Variants in RPSA2 observed in about 807,000 individuals in gnomAD.
The protein encoded by RPSA2 is small ribosomal subunit protein uS2B.
At chr19:23,775,249 A>G in the RPSA2 span, among the ~76,000 whole-genome samples, 1 of 152,192 alleles carries the variant, frequency 6.6e-6, no homozygotes, top group African/African-American at 2.4e-5. Context: ...GTGTGGTCTT[A>G]AATCTTACAG....
At chr19:23,819,707 T>C in the RPSA2 span, among the ~76,000 whole-genome samples, 173 of 152,320 alleles carry the variant, frequency 1.1e-3, 1 homozygote, top group Non-Finnish European at 2.0e-3. Context: ...CAAGATCTCA[T>C]AGGTGAATAC....
chr19:23,802,962 A>C, the RPSA2 span, among the ~76,000 whole-genome samples: 5 of 152,186 alleles, frequency 3.3e-5, no homozygotes, highest in African/African-American at 1.2e-4. Context: ...TGCTAAGAAC[A>C]CTTATTTATC....
At chr19:23,779,419 C>T in the RPSA2 span, among the ~76,000 whole-genome samples, 1 of 152,226 alleles carries the variant, frequency 6.6e-6, no homozygotes, top group South Asian at 2.1e-4. Flanking sequence ...ATACTGTCTT[C>T]TCCTGCCTGG....
At chr19:23,845,722 C>G in the RPSA2 span, among the ~76,000 whole-genome samples, 1 of 152,162 alleles carries the variant, frequency 6.6e-6, no homozygotes, top group Admixed American at 6.5e-5. Flanking sequence ...AAACTGCTGA[C>G]CTCAGGCGAT....
chr19:23,836,200 T>C, the RPSA2 span, among the ~76,000 whole-genome samples: 5 of 152,186 alleles, frequency 3.3e-5, no homozygotes, highest in African/African-American at 9.7e-5. Flanking sequence ...CTTATACCTT[T>C]CCATTCTCAT....
At chr19:23,819,797 G>A in the RPSA2 span, among the ~76,000 whole-genome samples, 3 of 152,114 alleles carry the variant, frequency 2.0e-5, no homozygotes, top group African/African-American at 7.2e-5. Flanking sequence ...TGAGTTTCTT[G>A]GCAAAATTTT....
At chr19:23,843,234 C>A in the RPSA2 span, 2 of 264,590 alleles carry the variant, frequency 7.6e-6, no homozygotes, top group Non-Finnish European at 1.6e-5. Flanking sequence ...ATAAAAGAAC[C>A]CTGGTATGTA....
the RPSA2 span, among the ~76,000 whole-genome samples, chr19:23,846,672 C>G: frequency 1.5e-4 from 23 of 152,308 alleles, no homozygotes; most frequent in African/African-American, 5.1e-4. Flanking sequence ...TTTCAACACT[C>G]TAAAAGTACC....
At chr19:23,790,739 G>A in the RPSA2 span, 1 of 459,680 alleles carries the variant, frequency 2.2e-6, no homozygotes, top group East Asian at 5.7e-5. Context: ...GAGATCCACA[G>A]CAAAGACGCC....
At chr19:23,826,826 C>T in the RPSA2 span, among the ~76,000 whole-genome samples, 3 of 151,958 alleles carry the variant, frequency 2.0e-5, no homozygotes, top group Non-Finnish European at 4.4e-5. Flanking sequence ...GCTGGGATTA[C>T]AGGCACGTGC....
the RPSA2 span, chr19:23,790,650 C>G: frequency 3.1e-6 from 1 of 320,856 alleles, no homozygotes; most frequent in Non-Finnish European, 6.1e-6. Context: ...GCAGATGGAG[C>G]TCCAGGTGTC....
chr19:23,858,366 T>A, the RPSA2 span, among the ~76,000 whole-genome samples: 14 of 152,260 alleles, frequency 9.2e-5, no homozygotes, highest in East Asian at 2.7e-3. Context: ...AATCTATGCA[T>A]GTAACTAGAT....
the RPSA2 span, among the ~76,000 whole-genome samples, chr19:23,859,124 C>A: frequency 2.0e-5 from 3 of 152,092 alleles, no homozygotes; most frequent in African/African-American, 7.2e-5. Flanking sequence ...AGACAAGTGA[C>A]CCTGCTTCAT....
the RPSA2 span, among the ~76,000 whole-genome samples, chr19:23,810,438 A>T: frequency 3.4e-4 from 2 of 5,886 alleles, 1 homozygote; most frequent in African/African-American, 3.8e-4. Flanking sequence ...GGGCTTGGAT[A>T]GTTGTAGTTT....
chr19:23,846,393 A>T, the RPSA2 span, among the ~76,000 whole-genome samples: 4 of 151,790 alleles, frequency 2.6e-5, no homozygotes, highest in Admixed American at 2.0e-4. Flanking sequence ...TTATCTATTT[A>T]TATTTGTGGT....
chr19:23,863,467 G>A, the RPSA2 span, among the ~76,000 whole-genome samples: 116 of 150,992 alleles, frequency 7.7e-4, no homozygotes, highest in Non-Finnish European at 1.5e-3. Flanking sequence ...GGGAGGCTGA[G>A]GCAAGAGAAT....
the RPSA2 span, among the ~76,000 whole-genome samples, chr19:23,841,847 A>C: frequency 1.3e-5 from 2 of 152,200 alleles, no homozygotes; most frequent in South Asian, 4.1e-4. Context: ...CTTGTACTCC[A>C]AACTTACTGA....
chr19:23,768,233 G>GGTTT, the RPSA2 span, among the ~76,000 whole-genome samples: 2 of 151,880 alleles, frequency 1.3e-5, no homozygotes, highest in Non-Finnish European at 2.9e-5. Flanking sequence ...GAACCCCAGG[G>GGTTT]GTTTGCTTTG....
chr19:23,772,608 G>A, the RPSA2 span, among the ~76,000 whole-genome samples: 2 of 152,140 alleles, frequency 1.3e-5, no homozygotes, highest in African/African-American at 4.8e-5. Flanking sequence ...ATGCCCTTGA[G>A]TGTTACAAAG....
Sources: gnomAD v4.1 joint callset for allele counts (sites outside exome capture counted in the v4.1 genomes callset) on GRCh38, gnomAD v4.1.1 for gene constraint, MANE v1.5 for transcripts, NCBI Gene and HGNC (gene_info 2026-07-23, HGNC 2026-07-21) for gene names.